The following PYGB variants were observed in gnomAD, a reference collection of about 807,000 sequenced individuals.
The protein encoded by PYGB is glycogen phosphorylase B, also known as glycogen phosphorylase, brain form.
A neutral mutation model predicts 94.3 loss-of-function variants in PYGB; 82 were observed. The ratio of observed to expected loss-of-function variants is 0.87; its 90% confidence interval spans 0.73 to 1.04. PYGB has a LOEUF of 1.04. PYGB is among the 50% of genes least tolerant of loss of function. PYGB has a pLI of 0.00. For missense variants in PYGB, 1,132 were observed against 1,158.2 expected (o/e 0.98, Z 0.33); for synonymous variants, 488 against 479.1 (o/e 1.02, Z -0.24).
At chr20:25,290,717 C>T in intron 16 of PYGB, 95 bp downstream of exon 16, 1 of 1,516,502 alleles carries the variant, frequency 6.6e-7, no homozygotes, top group Non-Finnish European at 9.0e-7. Context: ...GCCAGTTCAG[C>T]TCTGCCTGGA....
At chr20:25,296,268 T>A in intron 19 of PYGB, 102 bp from the exon 20 acceptor site, 2 of 1,435,110 alleles carry the variant, frequency 1.4e-6, no homozygotes, top group South Asian at 1.2e-5. Flanking sequence ...GCCCCAAGGC[T>A]CGGAGCTCAT....
intron 7 of PYGB, among the ~76,000 whole-genome samples, 193 bp from the exon 8 acceptor site, chr20:25,278,126 C>T (rs1011180803): frequency 8.5e-5 from 13 of 152,312 alleles, no homozygotes; most frequent in African/African-American, 2.4e-4. Context: ...CACTGTGTCC[C>T]GGGGTGTGTC....
chr20:25,292,682 A>G, intron 17 of PYGB, 69 bp downstream of exon 17: 1 of 1,533,440 alleles, frequency 6.5e-7, no homozygotes, highest in Non-Finnish European at 8.8e-7. Context: ...GGCTGGGGGC[A>G]TTGGCTGGAC....
intron 1 of PYGB, among the ~76,000 whole-genome samples, chr20:25,249,370 G>A (rs181612904): frequency 1.7e-4 from 26 of 152,324 alleles, no homozygotes; most frequent in African/African-American, 5.5e-4. Flanking sequence ...CCTGTTGCCA[G>A]TTTTTTGTTG....
In PYGB at chr20:25,269,175, G is replaced by T; in HGVS notation, c.392G>T (p.Gly131Val). 6.2e-7 allele frequency: 1 copy of T among 1,601,816 alleles called. No homozygotes were observed. Among genetic ancestry groups the T allele is most frequent in the Non-Finnish European group, 8.6e-7 (1 of 1,168,890 alleles). ...EELEEIEEDA[G>V]LGNGGLGRLA... ...CTCGAGGAGATAGAAGAAGATGCTG[G>T]CCTTGGGAATGGAGGCCTGGGGAGG... The change falls in exon 3 of 20, where the codon GGC (glycine) becomes GTC (valine). Residue 131 changes from glycine (G) to valine (V), a missense_variant. Gly to Val is a moderately radical substitution (Grantham distance 109). Transcript: ENST00000216962.
At chr20:25,290,653 ACT>A in intron 16 of PYGB, 31 bp downstream of exon 16, 2 of 1,582,314 alleles carry the variant, frequency 1.3e-6, no homozygotes, top group East Asian at 2.3e-5. Flanking sequence ...TGGACAGAAA[ACT>A]CACTCCTGCC....
chr20:25,293,042 G>A (rs1364651987), intron 17 of PYGB, among the ~76,000 whole-genome samples: 2 of 151,840 alleles, frequency 1.3e-5, no homozygotes, highest in African/African-American at 4.8e-5. Context: ...CTTGCCTGCT[G>A]TTGAGGTTCC....
Position 25,294,140 on chromosome 20 carries a change from T to G in PYGB, c.2178-18T>G, listed in dbSNP as rs765338122. 4 of 1,612,354 alleles carry G rather than the reference T, an allele frequency of 2.5e-6. No individual in the cohort carries two copies. The highest frequency in any genetic ancestry group is 3.4e-6 in the Non-Finnish European group (4 of 1,179,710). On this transcript the variant is annotated intron_variant, in intron 17 of 19. Transcript: ENST00000216962. ...ACCTGGGGCGCTGGCTGCTGACTCC[T>G]GGCCCATCGCCTCACAGGTACAATG...
At chr20:25,293,453 G>A (rs995725141) in intron 17 of PYGB, among the ~76,000 whole-genome samples, 4 of 152,110 alleles carry the variant, frequency 2.6e-5, no homozygotes, top group East Asian at 3.8e-4. Context: ...AATCCAGCAC[G>A]GGCCTGATTC....
intron 1 of PYGB, chr20:25,251,257 C>G (rs945502022): frequency 6.6e-6 from 1 of 152,172 alleles, no homozygotes; most frequent in African/African-American, 2.4e-5. Flanking sequence ...CCTGGGATTG[C>G]GCTGCATGGA....
rs572787626 is a variant in PYGB at position 25,263,082 on chromosome 20, C to T, written c.345+3744C>T. Among the ~76,000 whole-genome samples, 14 of 152,120 alleles carry T rather than the reference C, an allele frequency of 9.2e-5. 1 individual carries two copies. The South Asian group carries it at 2.9e-3, about 32-fold the overall frequency. On this transcript the variant is annotated intron_variant, in intron 2 of 19. Coordinates refer to ENST00000216962, the MANE Select transcript of PYGB (RefSeq NM_002862.4). ...CGAGACAGAAAGTTAACAAGGATAC[C>T]CAGGAATTGAACTCAGCTCTGCACC...
At chr20:25,250,088 A>G (rs995239966) in intron 1 of PYGB, among the ~76,000 whole-genome samples, 9 of 152,092 alleles carry the variant, frequency 5.9e-5, no homozygotes, top group Non-Finnish European at 1.2e-4. Context: ...TGACCTCGTG[A>G]TCCGCCCGCC....
At chr20:25,264,585 T>C (rs2092920552) in intron 2 of PYGB, among the ~76,000 whole-genome samples, 1 of 152,190 alleles carries the variant, frequency 6.6e-6, no homozygotes, top group Non-Finnish European at 1.5e-5. Context: ...AGTCTCAGGA[T>C]ACAAAATCAA....
chr20:25,276,725 C>T lies in PYGB; in HGVS notation c.740C>T (p.Ala247Val). The stretch of plus-strand genomic sequence containing the variant: ...GTCAACACCATGCGGCTGTGGTCCG[C>T]CAAGGCTCCCAACGACTTCAAGCTG... ...NTVNTMRLWS[A>V]KAPNDFKLQD... The change falls in exon 6 of 20, where the codon GCC becomes GTC. Residue 247 changes from alanine (A) to valine (V), a missense_variant. Physicochemically the swap from Ala to Val is moderately conservative, Grantham distance 64. Transcript: ENST00000216962. The T allele has an allele frequency of 1.2e-6, 2 of 1,614,030 alleles. No individual in the cohort carries two copies. Among genetic ancestry groups the T allele is most frequent in the South Asian group, 1.1e-5 (1 of 91,092 alleles).
rs201286188 is a variant in PYGB, at chr20:25,296,680, G to A, written c.*158G>A. The A allele has an allele frequency of 5.2e-6, 5 of 969,328 alleles. No homozygotes were observed. In the East Asian group the frequency reaches 1.1e-4, roughly 20 times the overall value. The allele number at this position is 969,328 out of a possible 1,614,324, so 60.0% of individuals were successfully genotyped here. A position where few individuals can be genotyped will look rare whatever the true frequency, so the allele number is the denominator to read the frequency against. On this transcript the variant is annotated 3_prime_UTR_variant, in exon 20 of 20. Coordinates refer to ENST00000216962, the MANE Select transcript of PYGB (RefSeq NM_002862.4). The stretch of plus-strand genomic sequence containing the variant: ...TGGGGGTCAGGGTGGTTTTGAGAGA[G>A]CAGGGTAAGGAAGGAATGTGCTAGA...
At position 25,292,410 on chromosome 20, in the gene PYGB, C is replaced by G. The variant is rs201515711; in HGVS notation, c.1974C>G (p.Ile658Met). ...TCCACGGGCTCCCCTCCACAGTGAT[C>G]CCGGCCGCTGATCTGTCGCAGCAGA... ...NYRVSLAEKV[I>M]PAADLSQQIS... Residue 658 changes from isoleucine to methionine, a missense_variant, in exon 17 of 20, where the codon ATC becomes ATG. Physicochemically the swap from Ile to Met is conservative, Grantham distance 10 (BLOSUM62 1). Transcript: ENST00000216962. 67 of 1,612,802 alleles carry G rather than the reference C, an allele frequency of 4.2e-5. No individual in the cohort carries two copies. Among genetic ancestry groups the G allele is most frequent in the Non-Finnish European group, 5.7e-5 (67 of 1,179,958 alleles).
intron 3 of PYGB, among the ~76,000 whole-genome samples, chr20:25,270,535 G>C (rs1299789979): frequency 6.6e-6 from 1 of 151,702 alleles, no homozygotes; most frequent in Non-Finnish European, 1.5e-5. Flanking sequence ...GCATCTCACT[G>C]TGCCCAGGCT....
rs199740965 is a variant in PYGB at position 25,271,431 on chromosome 20, A to G, written c.473A>G (p.Tyr158Cys). ...ACCTTGGGCCTGGCAGCATACGGCT[A>G]TGGAATCCGCTATGAATTTGGGATT... is the stretch of plus-strand genomic sequence containing the variant. ...MATLGLAAYG[Y>C]GIRYEFGIFN... Residue 158 changes from tyrosine to cysteine, a missense_variant, in exon 4 of 20, where the codon TAT becomes TGT. Tyr to Cys is a radical substitution (Grantham distance 194, BLOSUM62 -2). Transcript: ENST00000216962. 26 of 1,614,172 alleles carry G rather than the reference A, an allele frequency of 1.6e-5. No homozygotes were observed. In the East Asian group the frequency reaches 3.6e-4, roughly 22 times the overall value.
Position 25,280,901 on chromosome 20 carries a change from C to T in PYGB, c.1240-48C>T, listed in dbSNP as rs199811503. 60 of 1,595,874 alleles carry T rather than the reference C, an allele frequency of 3.8e-5. No homozygotes were observed. The Admixed American group carries it at 4.2e-4, about 11-fold the overall frequency. Reference sequence around the variant, plus strand: ...CTGGTCATGGGGAGTGCTGGGTCTCCGTGGGGCCTCCTGTGCCCACCCACC... The same window carrying T: ...CTGGTCATGGGGAGTGCTGGGTCTCTGTGGGGCCTCCTGTGCCCACCCACC... On this transcript the variant is annotated intron_variant, in intron 10 of 19. Coordinates refer to ENST00000216962, the MANE Select transcript of PYGB (RefSeq NM_002862.4).
Sources: gnomAD v4.1 joint callset for allele counts (sites outside exome capture counted in the v4.1 genomes callset) on GRCh38, gnomAD v4.1.1 for gene constraint, MANE v1.5 for transcripts, NCBI Gene and HGNC (gene_info 2026-07-23, HGNC 2026-07-21) for gene names.